The following TAFA1 variants were observed in gnomAD, a reference collection of about 807,000 sequenced individuals.
TAFA1 encodes the protein chemokine-like protein TAFA-1.
In TAFA1, 4 loss-of-function variants were observed where a neutral mutation model predicts 18.5. That is an observed-to-expected ratio of 0.22 (90% CI 0.11 to 0.49). The LOEUF is 0.49. Ranked by LOEUF, TAFA1 falls within the 20% of genes least tolerant of loss-of-function variation. The pLI is 0.98. For missense variants in TAFA1, 147 were observed against 169.0 expected, an observed-to-expected ratio of 0.87 and a Z score of 0.72; for synonymous variants, 56 against 55.2, an observed-to-expected ratio of 1.01 and a Z score of -0.06.
chr3:68,104,249 G>A (rs1298185395), intron 2 of TAFA1, among the ~76,000 whole-genome samples: 10 of 152,138 alleles, frequency 6.6e-5, no homozygotes, highest in Admixed American at 5.2e-4. Context: ...CTAGGGTGAT[G>A]AACTTAGATA....
chr3:68,148,862 T>A (rs1236010447), intron 2 of TAFA1, among the ~76,000 whole-genome samples: 1 of 152,234 alleles, frequency 6.6e-6, no homozygotes, highest in African/African-American at 2.4e-5. Flanking sequence ...CAGTCCCCAA[T>A]AATATCTACA....
intron 3 of TAFA1, among the ~76,000 whole-genome samples, chr3:68,506,121 T>C (rs2072748264): frequency 1.3e-5 from 2 of 152,064 alleles, no homozygotes; most frequent in African/African-American, 4.8e-5. Flanking sequence ...CTCCCATTTA[T>C]GAGTGAGAAC....
Position 68,006,669 on chromosome 3 carries a change from A to T in TAFA1, c.43A>T (p.Ile15Leu). 1 of 1,613,974 alleles carries T rather than the reference A, an allele frequency of 6.2e-7. No individual in the cohort carries two copies. The highest frequency in any genetic ancestry group is 8.5e-7 in the Non-Finnish European group (1 of 1,179,874). ...SAMSWVLYLW[I>L]SACAMLLCHG... ...GATGTCCTGGGTCCTGTATTTGTGG[A>T]TAAGTGCTTGTGCAATGCTACTCTG... The change falls in exon 2 of 5, where the codon ATA becomes TTA. Residue 15 changes from isoleucine to leucine, a missense_variant. Ile to Leu is a conservative substitution (Grantham distance 5, BLOSUM62 2). Coordinates refer to ENST00000478136, the MANE Select transcript of TAFA1 (RefSeq NM_213609.4).
intron 2 of TAFA1, among the ~76,000 whole-genome samples, chr3:68,324,393 A>G (rs1192398453): frequency 6.6e-6 from 1 of 152,180 alleles, no homozygotes; most frequent in Non-Finnish European, 1.5e-5. Context: ...ATTCTATGTC[A>G]GGACAGCCAA....
chr3:68,042,888 G>GT (rs1705194972), intron 2 of TAFA1, among the ~76,000 whole-genome samples: 1 of 151,896 alleles, frequency 6.6e-6, no homozygotes. Context: ...CTTTTGTTTT[G>GT]TTTTGTTTTG....
chr3:68,054,243 T>A (rs189916977), intron 2 of TAFA1, among the ~76,000 whole-genome samples: 7 of 152,140 alleles, frequency 4.6e-5, no homozygotes, highest in Admixed American at 1.3e-4. Context: ...TGTGAGTAGA[T>A]GAATGTCTTC....
At chr3:68,279,592 C>T (rs1179346706) in intron 2 of TAFA1, among the ~76,000 whole-genome samples, 1 of 152,012 alleles carries the variant, frequency 6.6e-6, no homozygotes, top group East Asian at 1.9e-4. Context: ...GGGCAGAAAA[C>T]CTGTTTCCTC....
At chr3:68,331,385 T>C (rs1436487537) in intron 2 of TAFA1, among the ~76,000 whole-genome samples, 1 of 152,198 alleles carries the variant, frequency 6.6e-6, no homozygotes, top group East Asian at 1.9e-4. Flanking sequence ...TGCATCACTG[T>C]GAATGTACTA....
At chr3:68,205,812 A>C (rs961026480) in intron 2 of TAFA1, among the ~76,000 whole-genome samples, 11 of 151,998 alleles carry the variant, frequency 7.2e-5, no homozygotes, top group African/African-American at 2.6e-4. Context: ...TAATATGAAA[A>C]TATATTAGGT....
intron 3 of TAFA1, among the ~76,000 whole-genome samples, chr3:68,482,833 C>G (rs1215434907): frequency 6.6e-6 from 1 of 152,140 alleles, no homozygotes; most frequent in Non-Finnish European, 1.5e-5. Context: ...GAGATTTGAG[C>G]TAACATTAGG....
At chr3:68,424,497 AT>A (rs571162244) in intron 3 of TAFA1, among the ~76,000 whole-genome samples, 8 of 151,524 alleles carry the variant, frequency 5.3e-5, no homozygotes, top group Non-Finnish European at 1.0e-4. Context: ...TGTAACTTTA[AT>A]TTTTTTTTCA....
chr3:68,367,431 C>T (rs2069595982), intron 2 of TAFA1, among the ~76,000 whole-genome samples: 1 of 152,202 alleles, frequency 6.6e-6, no homozygotes, highest in Admixed American at 6.5e-5. Flanking sequence ...GTCAAACGCA[C>T]TTTCAAGTTG....
At chr3:68,351,881 G>A (rs1018162733) in intron 2 of TAFA1, among the ~76,000 whole-genome samples, 10 of 151,940 alleles carry the variant, frequency 6.6e-5, no homozygotes, top group Non-Finnish European at 1.5e-4. Flanking sequence ...GCAGAGTGAG[G>A]TCAGAGAGCT....
At chr3:68,537,115 C>A (rs2073289174) in intron 3 of TAFA1, among the ~76,000 whole-genome samples, 1 of 152,014 alleles carries the variant, frequency 6.6e-6, no homozygotes, top group Admixed American at 6.6e-5. Context: ...AGGCATTTGT[C>A]CCCTTCATTG....
chr3:68,156,314 G>C (rs1446083674), intron 2 of TAFA1, among the ~76,000 whole-genome samples: 2 of 152,168 alleles, frequency 1.3e-5, no homozygotes, highest in Non-Finnish European at 2.9e-5. Flanking sequence ...GAAGGAATGA[G>C]GATCCAAAAG....
intron 3 of TAFA1, among the ~76,000 whole-genome samples, chr3:68,466,794 T>C (rs1176906528): frequency 6.6e-6 from 1 of 152,208 alleles, no homozygotes. Flanking sequence ...CAACGTAGGT[T>C]CTTTTCTATT....
intron 2 of TAFA1, among the ~76,000 whole-genome samples, chr3:68,274,821 G>A (rs1435227969): frequency 1.3e-5 from 2 of 152,128 alleles, no homozygotes; most frequent in Non-Finnish European, 2.9e-5. Context: ...GACTGCTTGT[G>A]CATTCTCTCT....
At chr3:68,401,096 T>A (rs1454144300) in intron 2 of TAFA1, among the ~76,000 whole-genome samples, 1 of 152,162 alleles carries the variant, frequency 6.6e-6, no homozygotes, top group Non-Finnish European at 1.5e-5. Flanking sequence ...AGTTTTCACT[T>A]CTTGGTAGAG....
At chr3:68,361,913 G>A (rs1407585597) in intron 2 of TAFA1, among the ~76,000 whole-genome samples, 1 of 152,090 alleles carries the variant, frequency 6.6e-6, no homozygotes. Context: ...GCAGAGTTGT[G>A]TAAATCCAAA....
Sources: allele counts gnomAD v4.1 joint callset (sites outside exome capture counted in the v4.1 genomes callset), GRCh38; gene constraint gnomAD v4.1.1; transcripts MANE v1.5; gene names NCBI Gene and HGNC (gene_info 2026-07-23, HGNC 2026-07-21).